The following SH3RF1 variants were observed in gnomAD, a reference collection of about 807,000 sequenced individuals.
SH3RF1 encodes SH3 domain containing ring finger 1.
Under a neutral mutation model 74.0 loss-of-function variants are expected in SH3RF1, and 32 were observed. The ratio of observed to expected loss-of-function variants is 0.43; its 90% CI spans 0.33 to 0.58. The LOEUF (loss-of-function observed/expected upper bound fraction) is 0.58. Ranked by LOEUF, SH3RF1 falls within the 20% of genes least tolerant of loss-of-function variation. SH3RF1 has a pLI of 0.05. For missense variants in SH3RF1, 954 were observed against 1,130.9 expected (o/e 0.84, Z 2.24); for synonymous variants, 396 against 439.6 (o/e 0.90, Z 1.24).
intron 2 of SH3RF1, among the ~76,000 whole-genome samples, chr4:169,267,821 C>A (rs1731378107): frequency 6.6e-6 from 1 of 152,064 alleles, no homozygotes; most frequent in Non-Finnish European, 1.5e-5. Context: ...CTTTTGAGTG[C>A]TTACTGAAGA....
At chr4:169,170,959 A>G (rs1195654707) in intron 2 of SH3RF1, among the ~76,000 whole-genome samples, 1 of 152,238 alleles carries the variant, frequency 6.6e-6, no homozygotes, top group East Asian at 1.9e-4. Context: ...TAAATACAGT[A>G]ATTGAAGGAA....
intron 2 of SH3RF1, among the ~76,000 whole-genome samples, chr4:169,248,749 G>C (rs896408611): frequency 1.3e-5 from 2 of 152,146 alleles, no homozygotes; most frequent in Non-Finnish European, 1.5e-5. Flanking sequence ...TCACCTGGTG[G>C]GTGTTTGTGA....
chr4:169,254,415 GTA>G (rs561973828), intron 2 of SH3RF1, among the ~76,000 whole-genome samples: 2 of 152,050 alleles, frequency 1.3e-5, no homozygotes, highest in Non-Finnish European at 2.9e-5. Flanking sequence ...AATAAACAAG[GTA>G]TATATGTGTT....
chr4:169,193,976 G>A (rs1335155071), intron 2 of SH3RF1, among the ~76,000 whole-genome samples: 1 of 152,132 alleles, frequency 6.6e-6, no homozygotes, highest in East Asian at 1.9e-4. Flanking sequence ...CAATCTCAAG[G>A]ATAGAGTCTT....
At position 169,268,390 on chromosome 4, in the gene SH3RF1, G is replaced by A. The variant is rs530397728; in HGVS notation, c.393+430C>T. ...GATTCTAAGCAACATAAAAATTAAG[G>A]CTTGATTTCCTATTTATGATTTACC... is the stretch of plus-strand genomic sequence containing the variant. On this transcript the variant is annotated intron_variant, in intron 2 of 11. Coordinates refer to ENST00000284637, the MANE Select transcript of SH3RF1 (RefSeq NM_020870.4). 5.3e-5 allele frequency among the ~76,000 whole-genome samples: 8 copies of A among 152,162 alleles called. No individual in the cohort carries two copies. In the East Asian group the frequency reaches 1.5e-3, roughly 29 times the overall value.
intron 2 of SH3RF1, among the ~76,000 whole-genome samples, chr4:169,163,110 A>C (rs553824533): frequency 6.6e-6 from 1 of 152,226 alleles, no homozygotes; most frequent in African/African-American, 2.4e-5. Flanking sequence ...GAGAAAAAAA[A>C]AAACAAACTA....
At chr4:169,249,197 C>T (rs1377806053) in intron 2 of SH3RF1, among the ~76,000 whole-genome samples, 1 of 152,118 alleles carries the variant, frequency 6.6e-6, no homozygotes, top group African/African-American at 2.4e-5. Flanking sequence ...CACTGCACTC[C>T]AGCCTGGGCA....
chr4:169,193,286 T>C (rs1017499943), intron 2 of SH3RF1, among the ~76,000 whole-genome samples: 1 of 152,046 alleles, frequency 6.6e-6, no homozygotes, highest in Non-Finnish European at 1.5e-5. Context: ...CCTATGGAAA[T>C]AGTGAATGAA....
intron 2 of SH3RF1, chr4:169,217,202 T>C (rs1411830975): frequency 1.3e-5 from 2 of 152,300 alleles, no homozygotes; most frequent in Non-Finnish European, 2.9e-5. Flanking sequence ...TTTAAAATTT[T>C]CTTGCTATTT....
chr4:169,205,113 A>C (rs763183336), intron 2 of SH3RF1, among the ~76,000 whole-genome samples: 14 of 152,236 alleles, frequency 9.2e-5, no homozygotes, highest in Non-Finnish European at 1.6e-4. Context: ...AAATAGCTTC[A>C]TTAAATGAAC....
chr4:169,136,486 T>TTTGGTGTTCTTC lies in SH3RF1; in HGVS notation c.888_899dup (p.Asn298_Lys301dup). ...TGAGGGAAGTGAAGGAGTGCCGCTTTTTGGTGTTCTTCTTGGTGTCGGAGT... is the reference window on the plus strand; with the variant it reads ...TGAGGGAAGTGAAGGAGTGCCGCTTTTTGGTGTTCTTCTTGGTGTTCTTCTTGGTGTCGGAGT... On this transcript the variant is annotated inframe_insertion, in exon 5 of 12. Coordinates refer to ENST00000284637, the MANE Select transcript of SH3RF1 (RefSeq NM_020870.4). 1 of 1,613,768 alleles carries TTTGGTGTTCTTC rather than the reference T, an allele frequency of 6.2e-7. No individual in the cohort carries two copies. Among genetic ancestry groups the TTTGGTGTTCTTC allele is most frequent in the East Asian group, 2.2e-5 (1 of 44,862 alleles).
chr4:169,153,953 C>T (rs937068355), intron 4 of SH3RF1, among the ~76,000 whole-genome samples: 11 of 152,156 alleles, frequency 7.2e-5, no homozygotes, highest in Non-Finnish European at 1.2e-4. Flanking sequence ...CAATTCTATA[C>T]TCGCCCAATA....
intron 4 of SH3RF1, among the ~76,000 whole-genome samples, chr4:169,150,538 T>C (rs1579108053): frequency 6.6e-6 from 1 of 152,184 alleles, no homozygotes; most frequent in South Asian, 2.1e-4. Context: ...AATACAATAA[T>C]ATACTGTTAT....
intron 8 of SH3RF1, among the ~76,000 whole-genome samples, chr4:169,118,721 T>A (rs1321093971): frequency 6.6e-6 from 1 of 152,204 alleles, no homozygotes; most frequent in East Asian, 1.9e-4. Flanking sequence ...CCTCCCAAAG[T>A]GCTGGGATTA....
intron 2 of SH3RF1, among the ~76,000 whole-genome samples, chr4:169,218,923 T>C (rs1166700909): frequency 6.6e-6 from 1 of 152,170 alleles, no homozygotes; most frequent in Non-Finnish European, 1.5e-5. Flanking sequence ...TTCAATATAT[T>C]CAATAAATAA....
intron 2 of SH3RF1, among the ~76,000 whole-genome samples, chr4:169,228,219 GT>G (rs1405202342): frequency 6.6e-6 from 1 of 152,156 alleles, no homozygotes; most frequent in Admixed American, 6.5e-5. Flanking sequence ...TCAAACACAA[GT>G]AGACCATCTA....
chr4:169,261,400 A>G (rs1330241415), intron 2 of SH3RF1, among the ~76,000 whole-genome samples: 1 of 152,232 alleles, frequency 6.6e-6, no homozygotes, highest in Non-Finnish European at 1.5e-5. Context: ...TTCCCCTGCT[A>G]AAAGCAACAT....
chr4:169,264,656 C>G (rs1561068370), intron 2 of SH3RF1, among the ~76,000 whole-genome samples: 1 of 152,242 alleles, frequency 6.6e-6, no homozygotes, highest in Non-Finnish European at 1.5e-5. Context: ...CGTATCTGTT[C>G]TGAAGCCCTG....
chr4:169,196,876 T>C (rs1199059333), intron 2 of SH3RF1, among the ~76,000 whole-genome samples: 1 of 152,182 alleles, frequency 6.6e-6, no homozygotes, highest in African/African-American at 2.4e-5. Flanking sequence ...TTGCTTTAGT[T>C]TTATCCAATA....
Sources: allele counts gnomAD v4.1 joint callset (sites outside exome capture counted in the v4.1 genomes callset), GRCh38; gene constraint gnomAD v4.1.1; transcripts MANE v1.5; gene names NCBI Gene and HGNC (gene_info 2026-07-23, HGNC 2026-07-21).